HYAL4: variants seen among roughly 807,000 people sequenced by gnomAD.
HYAL4 encodes the protein hyaluronidase-4.
A neutral mutation model predicts 35.2 loss-of-function variants in HYAL4; 37 were observed. That is an observed-to-expected ratio of 1.05 (90% CI 0.81 to 1.38). HYAL4 has a LOEUF of 1.38. Among genes scored for constraint, HYAL4 ranks in the 40% most tolerant of loss-of-function variants. The probability of loss-of-function intolerance (pLI) is 0.00; values close to 1 mark genes in which losing one functional copy is unlikely to be tolerated. For synonymous variants in HYAL4, 198 were observed against 203.2 expected (o/e 0.97, Z 0.22); for missense variants, 572 against 572.4 (o/e 1.00, Z 0.01).
the HYAL4 span, among the ~76,000 whole-genome samples, chr7:123,800,689 C>T: frequency 2.0e-5 from 3 of 151,444 alleles, no homozygotes; most frequent in East Asian, 3.9e-4. Context: ...CGCAGTCTAG[C>T]TCTGTCACCT....
At chr7:123,817,939 A>C in the HYAL4 span, among the ~76,000 whole-genome samples, 1 of 152,220 alleles carries the variant, frequency 6.6e-6, no homozygotes, top group South Asian at 2.1e-4. Flanking sequence ...GTTTAGTGAC[A>C]GGATCTCGGC....
the HYAL4 span, among the ~76,000 whole-genome samples, chr7:123,805,733 A>G: frequency 1.3e-5 from 2 of 152,242 alleles, no homozygotes; most frequent in Admixed American, 6.5e-5. Flanking sequence ...ACTAATTGTT[A>G]CATTATGTAA....
chr7:123,860,796 T>TC (rs1178400088), intron 2 of HYAL4, among the ~76,000 whole-genome samples: 1 of 152,196 alleles, frequency 6.6e-6, no homozygotes, highest in African/African-American at 2.4e-5. Flanking sequence ...TTTCCAGTCT[T>TC]CTGTTTCCAC....
chr7:123,805,261 TC>T, the HYAL4 span, among the ~76,000 whole-genome samples: 3 of 152,212 alleles, frequency 2.0e-5, no homozygotes, highest in African/African-American at 7.2e-5. Flanking sequence ...TATCCAACAA[TC>T]TGTTCAACCC....
chr7:123,835,677 A>G (rs1375683351), intron 1 of HYAL4, among the ~76,000 whole-genome samples: 2 of 151,890 alleles, frequency 1.3e-5, no homozygotes, highest in African/African-American at 4.8e-5. Flanking sequence ...TAGATTGTCT[A>G]TTTATGCTTT....
the HYAL4 span, chr7:123,790,656 T>C: frequency 2.7e-5 from 4 of 150,630 alleles, no homozygotes; most frequent in East Asian, 2.0e-4. Flanking sequence ...GCAGGGGCCA[T>C]GCTAATCTTC....
At chr7:123,780,015 T>C in the HYAL4 span, among the ~76,000 whole-genome samples, 3 of 152,312 alleles carry the variant, frequency 2.0e-5, no homozygotes, top group South Asian at 4.1e-4. Context: ...TGCATGCAAA[T>C]TGCATAATTC....
At chr7:123,853,267 G>C (rs1455318241) in intron 2 of HYAL4, among the ~76,000 whole-genome samples, 2 of 152,138 alleles carry the variant, frequency 1.3e-5, no homozygotes, top group African/African-American at 4.8e-5. Flanking sequence ...TTCCAATACT[G>C]TGTTGAATAG....
chr7:123,808,415 TCA>T, the HYAL4 span, among the ~76,000 whole-genome samples: 7 of 134,786 alleles, frequency 5.2e-5, no homozygotes, highest in East Asian at 2.2e-4. Context: ...ATATGTATCA[TCA>T]CGTGTGTGTG....
chr7:123,844,798 A>G (rs552495551), upstream of HYAL4, among the ~76,000 whole-genome samples: 1 of 152,264 alleles, frequency 6.6e-6, no homozygotes, highest in East Asian at 1.9e-4. Context: ...CTGCTGTGCT[A>G]GGAGTGAGCA....
chr7:123,801,850 C>G, the HYAL4 span, among the ~76,000 whole-genome samples: 1 of 152,282 alleles, frequency 6.6e-6, no homozygotes, highest in East Asian at 1.9e-4. Context: ...AATTATCACA[C>G]GAGGGCAACA....
intron 2 of HYAL4, among the ~76,000 whole-genome samples, chr7:123,857,467 A>G (rs1307608723): frequency 6.6e-6 from 1 of 151,780 alleles, no homozygotes; most frequent in East Asian, 2.0e-4. Flanking sequence ...TTCCTAAGTG[A>G]GGTGATGCCC....
the HYAL4 span, among the ~76,000 whole-genome samples, chr7:123,780,184 A>G: frequency 9.8e-5 from 15 of 152,326 alleles, no homozygotes; most frequent in African/African-American, 2.2e-4. Flanking sequence ...AAGTCATACT[A>G]TAGATTACTT....
At chr7:123,847,632 G>C (rs933719901) in intron 1 of HYAL4, among the ~76,000 whole-genome samples, 2 of 152,072 alleles carry the variant, frequency 1.3e-5, no homozygotes, top group African/African-American at 4.8e-5. Context: ...AAAAAAATTA[G>C]CTGGGTATGG....
At chr7:123,840,717 G>A (rs1460937075), upstream of HYAL4, among the ~76,000 whole-genome samples, 1 of 151,860 alleles carries the variant, frequency 6.6e-6, no homozygotes, top group Non-Finnish European at 1.5e-5. Flanking sequence ...CTTGTAAATT[G>A]GATTCCTAGG....
chr7:123,868,769 A>T lies in HYAL4; in HGVS notation c.496A>T (p.Lys166Ter). 3 of 1,614,214 alleles carry T rather than the reference A, an allele frequency of 1.9e-6. No homozygotes were observed. Among genetic ancestry groups the T allele is most frequent in the Non-Finnish European group, 1.7e-6 (2 of 1,180,040 alleles). ...GAACTCAAAAGATGTTTACAGACAG[A>T]AGTCAAGAAAGCTTATTTCCGATAT... ...NWNSKDVYRQ[K>*]SRKLISDMGK... Residue 166 changes from lysine to a stop codon, truncating the protein, a stop_gained, in exon 3 of 5, where the codon AAG becomes TAG. Transcript: ENST00000223026. LOFTEE classifies it high-confidence loss of function.
the HYAL4 span, among the ~76,000 whole-genome samples, chr7:123,771,649 A>G: frequency 1.2e-4 from 18 of 152,312 alleles, no homozygotes; most frequent in African/African-American, 4.3e-4. Context: ...TAGTTTGTAC[A>G]TAATACCAAT....
At chr7:123,777,776 T>C in the HYAL4 span, among the ~76,000 whole-genome samples, 1 of 152,146 alleles carries the variant, frequency 6.6e-6, no homozygotes. Context: ...TTTGTATTGT[T>C]ATAAAAAGCA....
chr7:123,857,649 CTTTGTTTCTTTCTTTG>C (rs1375539647), intron 2 of HYAL4, among the ~76,000 whole-genome samples: 21 of 149,824 alleles, frequency 1.4e-4, no homozygotes, highest in African/African-American at 4.4e-4. Flanking sequence ...AGCTGCCTTT[CTTTGTTTCTTTCTTTG>C]TTTGTTTCTT....
Sources: gnomAD v4.1 joint callset for allele counts (sites outside exome capture counted in the v4.1 genomes callset) on GRCh38, gnomAD v4.1.1 for gene constraint, MANE v1.5 for transcripts, NCBI Gene and HGNC (gene_info 2026-07-23, HGNC 2026-07-21) for gene names.